Variants in NAP1L1 observed in about 807,000 individuals in gnomAD.
NAP1L1 encodes the protein nucleosome assembly protein 1-like 1.
NAP1L1 carries 9 observed loss-of-function variants against 58.9 expected under a neutral mutation model. The ratio of observed to expected loss-of-function variants is 0.15; its 90% CI spans 0.09 to 0.27. NAP1L1 has a LOEUF of 0.27. Among genes scored for constraint, NAP1L1 ranks in the 10% least tolerant of loss-of-function variants. The pLI is 1.00. For missense variants in NAP1L1, 302 were observed against 458.8 expected (o/e 0.66, Z 3.12); for synonymous variants, 130 against 138.3 (o/e 0.94, Z 0.42).
intron 6 of NAP1L1, among the ~76,000 whole-genome samples, chr12:76,058,618 C>T (rs927851996): frequency 2.0e-5 from 3 of 152,054 alleles, no homozygotes; most frequent in South Asian, 2.1e-4. Flanking sequence ...GAACTCCTGA[C>T]CTAGTGATTG....
chr12:76,039,768 GAATT>G lies in NAP1L1; in HGVS notation c.*8657_*8660del, dbSNP rs777697108. ...ACTTCCATCCTTATGCATAAAAAGG[GAATT>G]AATATTCTCAATCAAGTATGATTAA... On this transcript the variant is annotated 3_prime_UTR_variant, in exon 15 of 15. Transcript: ENST00000618691. The G allele has an allele frequency of 4.6e-5, 7 of 152,150 alleles. No homozygotes were observed. The highest frequency in any genetic ancestry group is 7.4e-5 in the Non-Finnish European group (5 of 68,022). 9.4% of individuals were successfully genotyped at this position (152,150 alleles called of 1,614,324 possible).
chr12:76,070,014 C>T (rs949633442), intron 2 of NAP1L1, among the ~76,000 whole-genome samples: 45 of 152,182 alleles, frequency 3.0e-4, no homozygotes, highest in African/African-American at 1.0e-3. Flanking sequence ...AATTAATTTT[C>T]CACAGGGACA....
chr12:76,062,824 T>A (rs746425875), intron 4 of NAP1L1, among the ~76,000 whole-genome samples: 14 of 152,132 alleles, frequency 9.2e-5, no homozygotes, highest in Non-Finnish European at 1.8e-4. Flanking sequence ...ATTAAAGCAA[T>A]ATAAAAATCC....
In NAP1L1 at chr12:76,046,547, A is replaced by G. The variant is rs1948611745; in HGVS notation, c.*1882T>C. On this transcript the variant is annotated 3_prime_UTR_variant, in exon 15 of 15. Coordinates refer to ENST00000618691, the MANE Select transcript of NAP1L1 (RefSeq NM_004537.7). ...AAAGGAAATCATTTTGAAAATAAAG[A>G]AAAAAAGCTATTATAATTGGTTAAG... The G allele has an allele frequency of 6.6e-6, 1 of 152,442 alleles. No homozygotes were observed. The highest frequency in any genetic ancestry group is 2.4e-5 in the African/African-American group (1 of 41,442). The allele number at this position is 152,442 out of a possible 1,614,324, so 9.4% of individuals were successfully genotyped here.
Position 76,039,933 on chromosome 12 carries a change from G to C in NAP1L1, c.*8496C>G. On this transcript the variant is annotated 3_prime_UTR_variant, in exon 15 of 15. Transcript: ENST00000618691. ...ATGAAGTTTTTCTCGAAACCTCTCA[G>C]TCTAGTTACATTATACCCAACTTTT... is the stretch of plus-strand genomic sequence containing the variant. 6.6e-6 allele frequency: 1 copy of C among 152,176 alleles called. No homozygotes were observed. Among genetic ancestry groups the C allele is most frequent in the East Asian group, 1.9e-4 (1 of 5,204 alleles). 9.4% of individuals were successfully genotyped at this position (152,176 alleles called of 1,614,324 possible).
intron 6 of NAP1L1, chr12:76,057,657 A>C: frequency 2.2e-5 from 31 of 1,437,174 alleles, no homozygotes; most frequent in Non-Finnish European, 2.8e-5. Flanking sequence ...GTTCATTACC[A>C]ATAGAGTACT....
intron 1 of NAP1L1, among the ~76,000 whole-genome samples, chr12:76,082,568 G>A (rs1592715628): frequency 6.6e-6 from 1 of 152,142 alleles, no homozygotes; most frequent in Non-Finnish European, 1.5e-5. Context: ...TGAAAGTCAG[G>A]TTTTATGACA....
rs1592645797 is a variant in NAP1L1, at chr12:76,060,045, G to C, written c.348+93C>G. 3 of 1,358,292 alleles carry C rather than the reference G, an allele frequency of 2.2e-6. No individual in the cohort carries two copies. In the South Asian group the frequency reaches 4.1e-5, roughly 19 times the overall value. 84.1% of individuals were successfully genotyped at this position (1,358,292 alleles called of 1,614,324 possible). ...CTGCCTCTAATAACAATTTCAATGA[G>C]AGTTCTAAAGATTAACCTCTTCCAA... On this transcript the variant is annotated intron_variant, in intron 5 of 14. Transcript: ENST00000618691.
Position 76,047,628 on chromosome 12 carries a change from A to C in NAP1L1, c.*801T>G, listed in dbSNP as rs1948643582. 6.6e-6 allele frequency: 1 copy of C among 152,032 alleles called. No homozygotes were observed. The highest frequency in any genetic ancestry group is 6.6e-5 in the Admixed American group (1 of 15,264). 9.4% of individuals were successfully genotyped at this position (152,032 alleles called of 1,614,324 possible). On this transcript the variant is annotated 3_prime_UTR_variant, in exon 15 of 15. Transcript: ENST00000618691. Reference sequence around the variant, plus strand: ...TGAAATTTTTATTTTAGCTGCAAAAACAAAAACAAGCAAACAAACAACAAA... The same window carrying C: ...TGAAATTTTTATTTTAGCTGCAAAACCAAAAACAAGCAAACAAACAACAAA...
intron 3 of NAP1L1, 174 bp downstream of exon 3, chr12:76,068,735 T>TACAC (rs35120003): frequency 0.15 from 43,084 of 292,304 alleles, 1,740 homozygotes; most frequent in East Asian, 0.19. Context: ...ACCCGCCCCT[T>TACAC]ACACACACAC....
chr12:76,056,937 G>C lies in NAP1L1; in HGVS notation c.430-776C>G, dbSNP rs1230651538. On this transcript the variant is annotated intron_variant, in intron 6 of 14. Transcript: ENST00000618691. ...GAGGCAGAAGAATTGCTTGAACCCA[G>C]GAGGTGGAGGTTGCAATAAGCCGAG... 3 of 251,210 alleles carry C rather than the reference G, an allele frequency of 1.2e-5. No homozygotes were observed. The East Asian group carries it at 3.4e-4, about 28-fold the overall frequency. 15.6% of individuals were successfully genotyped at this position (251,210 alleles called of 1,614,324 possible). A position where few individuals can be genotyped will look rare whatever the true frequency, so the allele number is the denominator to read the frequency against.
At chr12:76,067,238 AT>A (rs1245399244) in intron 4 of NAP1L1, 132 bp downstream of exon 4, 2 of 611,406 alleles carry the variant, frequency 3.3e-6, no homozygotes, top group Non-Finnish European at 5.5e-6. Context: ...TAAACTTCTA[AT>A]AATCCTATAC....
chr12:76,057,288 TCTTAAACAAAAA>T (rs1949154779), intron 6 of NAP1L1: 1 of 316,164 alleles, frequency 3.2e-6, no homozygotes, highest in Non-Finnish European at 6.2e-6. Flanking sequence ...AGTCCCTGTC[TCTTAAACAAAAA>T]AACTATAAAA....
intron 4 of NAP1L1, among the ~76,000 whole-genome samples, chr12:76,064,363 A>G (rs530273740): frequency 3.3e-5 from 5 of 152,352 alleles, no homozygotes; most frequent in Non-Finnish European, 7.4e-5. Flanking sequence ...ATAAGCAGAA[A>G]TAAAGAGAAG....
At chr12:76,054,820 A>T (rs1285059609) in intron 8 of NAP1L1, among the ~76,000 whole-genome samples, 199 bp downstream of exon 8, 1 of 152,178 alleles carries the variant, frequency 6.6e-6, no homozygotes, top group Non-Finnish European at 1.5e-5. Context: ...AGGAACAAGG[A>T]TTGTCTGTGT....
chr12:76,054,282 G>C (rs201785178), intron 8 of NAP1L1, among the ~76,000 whole-genome samples: 2 of 109,158 alleles, frequency 1.8e-5, no homozygotes, highest in East Asian at 8.4e-4. Context: ...CACCCACCTC[G>C]GCCTCCCAAA....
Position 76,048,379 on chromosome 12 carries a change from GT to G in NAP1L1, c.*49del, listed in dbSNP as rs763524900. ...AAGGCTGTAAGTAAATAAGAGTTGTGTTTAGGCTATTACAGTGCAGGTTATC... is the reference window on the plus strand; with the variant it reads ...AAGGCTGTAAGTAAATAAGAGTTGTGTTAGGCTATTACAGTGCAGGTTATC... On this transcript the variant is annotated 3_prime_UTR_variant, in exon 15 of 15. Transcript: ENST00000618691. 5 of 1,595,850 alleles carry G rather than the reference GT, an allele frequency of 3.1e-6. No individual in the cohort carries two copies. The highest frequency in any genetic ancestry group is 4.3e-6 in the Non-Finnish European group (5 of 1,166,278).
chr12:76,056,619 C>A, intron 6 of NAP1L1: 1 of 455,660 alleles, frequency 2.2e-6, no homozygotes, highest in Middle Eastern at 3.3e-4. Flanking sequence ...TCATTGTGGG[C>A]AAGTCACTTA....
chr12:76,058,732 C>T (rs562064319), intron 6 of NAP1L1, among the ~76,000 whole-genome samples: 12 of 152,142 alleles, frequency 7.9e-5, no homozygotes, highest in African/African-American at 2.6e-4. Context: ...GTAGACTTTG[C>T]GGTGACCATT....
Sources: allele counts gnomAD v4.1 joint callset (sites outside exome capture counted in the v4.1 genomes callset), GRCh38; gene constraint gnomAD v4.1.1; transcripts MANE v1.5; gene names NCBI Gene and HGNC (gene_info 2026-07-23, HGNC 2026-07-21).